Variants in PTPN4 observed in about 807,000 individuals in gnomAD.
PTPN4 encodes the protein protein tyrosine phosphatase non-receptor type 4.
PTPN4 carries 49 observed loss-of-function variants against 135.5 expected under a neutral mutation model. The ratio of observed to expected loss-of-function variants is 0.36; its 90% CI spans 0.29 to 0.46. PTPN4 has a LOEUF of 0.46. Ranked by LOEUF, PTPN4 falls within the 20% of genes least tolerant of loss-of-function variation. PTPN4 has a pLI of 1.00. For missense variants in PTPN4, 860 were observed against 1,101.0 expected (o/e 0.78, Z 3.10); for synonymous variants, 333 against 369.9 (o/e 0.90, Z 1.14).
chr2:119,870,701 G>A (rs144680317), intron 3 of PTPN4, among the ~76,000 whole-genome samples: 2 of 152,198 alleles, frequency 1.3e-5, no homozygotes, highest in East Asian at 1.9e-4. Context: ...TATAATGATG[G>A]TATTCAAGAT....
intron 1 of PTPN4, among the ~76,000 whole-genome samples, chr2:119,793,549 A>C (rs956111185): frequency 6.6e-6 from 1 of 152,220 alleles, no homozygotes; most frequent in African/African-American, 2.4e-5. Context: ...GATTAAAGTA[A>C]AGACAGACAT....
chr2:119,899,474 C>T (rs139483334), intron 9 of PTPN4, among the ~76,000 whole-genome samples: 1 of 152,046 alleles, frequency 6.6e-6, no homozygotes, highest in African/African-American at 2.4e-5. Context: ...TCTAGTCTTA[C>T]CACTTTATAT....
chr2:119,969,037 T>C (rs1679488421), intron 26 of PTPN4, among the ~76,000 whole-genome samples: 1 of 152,160 alleles, frequency 6.6e-6, no homozygotes, highest in Non-Finnish European at 1.5e-5. Context: ...TGTTTTTGTT[T>C]TGTGAGACAA....
chr2:119,870,044 A>G (rs1204103584), intron 3 of PTPN4, among the ~76,000 whole-genome samples: 1 of 152,200 alleles, frequency 6.6e-6, no homozygotes, highest in African/African-American at 2.4e-5. Context: ...TCCCTGCAGA[A>G]TAAAGCTGTG....
At chr2:119,833,658 T>C (rs767563043) in intron 2 of PTPN4, among the ~76,000 whole-genome samples, 4 of 152,204 alleles carry the variant, frequency 2.6e-5, no homozygotes, top group Non-Finnish European at 4.4e-5. Flanking sequence ...TTCCTGAAGA[T>C]GTTTTATTTT....
chr2:119,953,373 C>T (rs561693105), intron 19 of PTPN4, among the ~76,000 whole-genome samples: 17 of 152,204 alleles, frequency 1.1e-4, no homozygotes, highest in Admixed American at 5.2e-4. Context: ...AATAAAAAAT[C>T]CTCTTTGTAC....
intron 15 of PTPN4, among the ~76,000 whole-genome samples, chr2:119,943,047 T>G (rs1028099636): frequency 2.6e-5 from 4 of 152,356 alleles, no homozygotes; most frequent in Admixed American, 2.0e-4. Flanking sequence ...GAAGTATTTC[T>G]ATGCAGACAT....
intron 1 of PTPN4, among the ~76,000 whole-genome samples, chr2:119,793,854 T>G (rs1691201088): frequency 1.6e-5 from 2 of 127,290 alleles, no homozygotes; most frequent in Non-Finnish European, 3.3e-5. Flanking sequence ...TAGTTTTTTT[T>G]TTTTTTTTTT....
intron 10 of PTPN4, among the ~76,000 whole-genome samples, chr2:119,906,266 G>A (rs112492091): frequency 0.023 from 3,529 of 152,234 alleles, 128 homozygotes; most frequent in African/African-American, 0.077. Flanking sequence ...GTACTCGGGA[G>A]ACTGAGGCAG....
intron 9 of PTPN4, among the ~76,000 whole-genome samples, chr2:119,892,191 T>C (rs1558756575): frequency 6.6e-6 from 1 of 152,174 alleles, no homozygotes; most frequent in Non-Finnish European, 1.5e-5. Context: ...TACCAGCCTA[T>C]ATTGATAGAA....
intron 2 of PTPN4, among the ~76,000 whole-genome samples, chr2:119,851,224 T>A (rs913805253): frequency 6.6e-6 from 1 of 152,182 alleles, no homozygotes; most frequent in Non-Finnish European, 1.5e-5. Flanking sequence ...GTGGAAGGTG[T>A]CCCGAGTTAC....
chr2:119,796,931 A>C (rs909828764), intron 1 of PTPN4, among the ~76,000 whole-genome samples: 2 of 151,250 alleles, frequency 1.3e-5, no homozygotes, highest in Non-Finnish European at 2.9e-5. Context: ...GTGATATCGC[A>C]TGGTTTTAAA....
intron 3 of PTPN4, among the ~76,000 whole-genome samples, chr2:119,865,512 C>G (rs1449510718): frequency 6.6e-6 from 1 of 152,028 alleles, no homozygotes; most frequent in Non-Finnish European, 1.5e-5. Context: ...GAACTCAGAT[C>G]TAACTTCAAA....
intron 2 of PTPN4, among the ~76,000 whole-genome samples, chr2:119,822,627 G>A (rs1388685069): frequency 6.6e-6 from 1 of 152,128 alleles, no homozygotes; most frequent in Non-Finnish European, 1.5e-5. Flanking sequence ...AAAGTGCTGG[G>A]ATTTCAGGCG....
intron 1 of PTPN4, among the ~76,000 whole-genome samples, chr2:119,768,144 T>C (rs1484442400): frequency 6.6e-6 from 1 of 152,162 alleles, no homozygotes; most frequent in Non-Finnish European, 1.5e-5. Flanking sequence ...TGTTTAGTGG[T>C]TTATATTAGT....
At chr2:119,951,762 AT>A (rs1679215101) in intron 18 of PTPN4, among the ~76,000 whole-genome samples, 1 of 152,338 alleles carries the variant, frequency 6.6e-6, no homozygotes, top group South Asian at 2.1e-4. Flanking sequence ...ATAATAGGTC[AT>A]CAGGAAAGAA....
intron 1 of PTPN4, among the ~76,000 whole-genome samples, chr2:119,790,901 GA>G (rs1691133136): frequency 6.6e-6 from 1 of 151,982 alleles, no homozygotes; most frequent in Non-Finnish European, 1.5e-5. Flanking sequence ...CTCATGGGGG[GA>G]ACTGCAACTT....
intron 11 of PTPN4, among the ~76,000 whole-genome samples, chr2:119,917,908 A>G (rs75190658): frequency 0.011 from 1,671 of 152,218 alleles, 19 homozygotes; most frequent in Non-Finnish European, 0.016. Context: ...GGCAAGAAAA[A>G]TTTTTGTTAC....
chr2:119,868,816 T>A (rs918857843), intron 3 of PTPN4, among the ~76,000 whole-genome samples: 1 of 152,206 alleles, frequency 6.6e-6, no homozygotes, highest in African/African-American at 2.4e-5. Context: ...TGTTAATAAA[T>A]ACGTGGGTAA....
Sources: gnomAD v4.1 joint callset for allele counts (sites outside exome capture counted in the v4.1 genomes callset) on GRCh38, gnomAD v4.1.1 for gene constraint, MANE v1.5 for transcripts, NCBI Gene and HGNC (gene_info 2026-07-23, HGNC 2026-07-21) for gene names.